IGSF11: variants seen among roughly 807,000 people sequenced by gnomAD.
IGSF11 encodes the protein immunoglobulin superfamily member 11, also known as CXADR like 1.
A neutral mutation model predicts 41.0 loss-of-function variants in IGSF11; 22 were observed. The observed-to-expected ratio is 0.54, with a 90% CI of 0.38 to 0.77. The LOEUF is 0.77. IGSF11 is among the 30% of genes least tolerant of loss of function. The pLI, the probability that IGSF11 is intolerant of heterozygous loss-of-function variation, is 0.00. For synonymous variants in IGSF11, 219 were observed against 201.3 expected (o/e 1.09, Z -0.74); for missense variants, 444 against 530.8 (o/e 0.84, Z 1.61).
chr3:118,926,426 G>A (rs367714179), intron 3 of IGSF11, among the ~76,000 whole-genome samples, 170 bp from the exon 4 acceptor site: 12 of 152,102 alleles, frequency 7.9e-5, no homozygotes, highest in East Asian at 5.8e-4. Flanking sequence ...ACCAATTCAC[G>A]AGGCTTAGGC....
chr3:119,032,162 T>C (rs1940463548), intron 1 of IGSF11, among the ~76,000 whole-genome samples: 1 of 152,216 alleles, frequency 6.6e-6, no homozygotes, highest in African/African-American at 2.4e-5. Flanking sequence ...TTTCTACCTT[T>C]GGTGTATCAT....
chr3:119,100,122 C>T (rs2076917571), intron 1 of IGSF11, among the ~76,000 whole-genome samples: 1 of 152,084 alleles, frequency 6.6e-6, no homozygotes, highest in Admixed American at 6.6e-5. Flanking sequence ...TTTTAGACTG[C>T]AATTGTGGGT....
chr3:119,002,346 G>A (rs1338797740), intron 1 of IGSF11, among the ~76,000 whole-genome samples: 1 of 151,072 alleles, frequency 6.6e-6, no homozygotes, highest in East Asian at 1.9e-4. Flanking sequence ...AAATTTGTTT[G>A]AGTTCTTTGT....
At chr3:118,960,795 T>C (rs895185530) in intron 1 of IGSF11, among the ~76,000 whole-genome samples, 1 of 152,194 alleles carries the variant, frequency 6.6e-6, no homozygotes, top group African/African-American at 2.4e-5. Flanking sequence ...TGGTAACATA[T>C]TACAAATTTA....
intron 1 of IGSF11, among the ~76,000 whole-genome samples, chr3:118,930,851 G>A (rs1576401305): frequency 6.6e-6 from 1 of 152,262 alleles, no homozygotes; most frequent in East Asian, 1.9e-4. Context: ...CAAAATCCCA[G>A]TAGTCTTTTT....
intron 1 of IGSF11, among the ~76,000 whole-genome samples, chr3:119,047,204 A>G (rs575543724): frequency 0.016 from 2,477 of 151,416 alleles, 69 homozygotes; most frequent in African/African-American, 0.056. Flanking sequence ...ACACTGGCAA[A>G]TTGGATAAAG....
At chr3:119,126,997 C>T (rs1179566792) in intron 1 of IGSF11, among the ~76,000 whole-genome samples, 3 of 152,112 alleles carry the variant, frequency 2.0e-5, no homozygotes, top group African/African-American at 7.2e-5. Context: ...AATGTCTCTC[C>T]ATCAAGGGCA....
At chr3:118,972,004 A>T (rs1933500904) in intron 1 of IGSF11, among the ~76,000 whole-genome samples, 2 of 152,212 alleles carry the variant, frequency 1.3e-5, no homozygotes, top group Non-Finnish European at 2.9e-5. Context: ...CCTAAAATTC[A>T]AATTATTATT....
chr3:118,904,635 C>T lies in IGSF11; in HGVS notation c.854+13G>A, dbSNP rs1428844954. 1.3e-6 allele frequency: 2 copies of T among 1,592,560 alleles called. No homozygotes were observed. Among genetic ancestry groups the T allele is most frequent in the East Asian group, 2.2e-5 (1 of 44,702 alleles). On this transcript the variant is annotated intron_variant, in intron 6 of 6. Coordinates refer to ENST00000393775, the MANE Select transcript of IGSF11 (RefSeq NM_001015887.3). Reference sequence around the variant, plus strand: ...GCTATGCAGGACAAATTTTAAAAATCTGACATACAAACCTTATTTCATTAG... The same window carrying T: ...GCTATGCAGGACAAATTTTAAAAATTTGACATACAAACCTTATTTCATTAG...
At chr3:119,087,430 ATAC>A (rs557154042) in intron 1 of IGSF11, among the ~76,000 whole-genome samples, 73 of 151,854 alleles carry the variant, frequency 4.8e-4, no homozygotes, top group Middle Eastern at 3.4e-3. Context: ...ACACCATAGA[ATAC>A]TACTAACCCA....
At chr3:118,930,980 T>C (rs1352475740) in intron 1 of IGSF11, among the ~76,000 whole-genome samples, 1 of 152,226 alleles carries the variant, frequency 6.6e-6, no homozygotes, top group Non-Finnish European at 1.5e-5. Flanking sequence ...AAACTTGCTA[T>C]ATAGCTGTAG....
intron 1 of IGSF11, among the ~76,000 whole-genome samples, chr3:119,131,527 G>C (rs1416060901): frequency 6.6e-6 from 1 of 152,148 alleles, no homozygotes; most frequent in Non-Finnish European, 1.5e-5. Context: ...AGGGAACAAA[G>C]CCTCCAAGAA....
chr3:118,994,423 G>A (rs773746714), intron 1 of IGSF11, among the ~76,000 whole-genome samples: 45 of 152,336 alleles, frequency 3.0e-4, no homozygotes, highest in Non-Finnish European at 4.7e-4. Flanking sequence ...TTGGGTGGCT[G>A]AGGCAGGAGA....
intron 1 of IGSF11, among the ~76,000 whole-genome samples, chr3:119,135,128 A>T (rs1328415008): frequency 6.6e-6 from 1 of 152,208 alleles, no homozygotes; most frequent in Non-Finnish European, 1.5e-5. Context: ...AACCTAGGCA[A>T]TACCGTTCAG....
At position 119,125,542 on chromosome 3, in the gene IGSF11, G is replaced by C. The variant is rs954483559; in HGVS notation, c.-14+20271C>G. 2.6e-5 allele frequency among the ~76,000 whole-genome samples: 4 copies of C among 152,082 alleles called. 1 individual carries two copies. The highest frequency in any genetic ancestry group is 1.9e-4 in the East Asian group (1 of 5,190). On this transcript the variant is annotated intron_variant, in intron 1 of 7. Coordinates refer to the IGSF11 transcript ENST00000425327. ...AGGGCGGGACGGTGTATTGTCACAA[G>C]GGCAGGGAGGAATCTTACAAAGTAC...
Position 118,901,190 on chromosome 3 carries a change from T to G in IGSF11, c.*1330A>C, listed in dbSNP as rs1360449430. 1 of 151,932 alleles carries G rather than the reference T, an allele frequency of 6.6e-6. No individual in the cohort carries two copies. The highest frequency in any genetic ancestry group is 6.6e-5 in the Admixed American group (1 of 15,256). 9.4% of individuals were successfully genotyped at this position (151,932 alleles called of 1,614,324 possible). On this transcript the variant is annotated 3_prime_UTR_variant, in exon 7 of 7. Coordinates refer to ENST00000393775, the MANE Select transcript of IGSF11 (RefSeq NM_001015887.3). ...TAATGCAAGTATGGCCAGATCTACA[T>G]AGCACAAAATAAAGTGGGGGAGTTT...
chr3:118,927,765 A>G (rs1942457942), intron 3 of IGSF11, among the ~76,000 whole-genome samples: 1 of 152,194 alleles, frequency 6.6e-6, no homozygotes, highest in South Asian at 2.1e-4. Flanking sequence ...AGCCACCTCT[A>G]CCACAAGTAT....
At chr3:119,057,202 A>G (rs557699990) in intron 1 of IGSF11, among the ~76,000 whole-genome samples, 2 of 152,348 alleles carry the variant, frequency 1.3e-5, no homozygotes, top group African/African-American at 4.8e-5. Context: ...TGCAGACGAC[A>G]TGACTGTATA....
intron 1 of IGSF11, among the ~76,000 whole-genome samples, chr3:119,098,871 T>A (rs2076897239): frequency 1.3e-5 from 2 of 152,198 alleles, no homozygotes; most frequent in African/African-American, 2.4e-5. Flanking sequence ...CTGGCATATA[T>A]TTTTTAAAAA....
Sources: allele counts gnomAD v4.1 joint callset (sites outside exome capture counted in the v4.1 genomes callset), GRCh38; gene constraint gnomAD v4.1.1; transcripts MANE v1.5; gene names NCBI Gene and HGNC (gene_info 2026-07-23, HGNC 2026-07-21).